POM121: variants seen among roughly 807,000 people sequenced by gnomAD.
POM121 encodes the protein POM121 transmembrane nucleoporin.
POM121 carries 32 observed loss-of-function variants against 81.3 expected under a neutral mutation model. The observed-to-expected ratio is 0.39, with a 90% CI of 0.30 to 0.53. The LOEUF is 0.53. Among genes scored for constraint, POM121 ranks in the 20% least tolerant of loss-of-function variants. POM121 has a pLI of 0.66. For missense variants in POM121, 1,138 were observed against 1,614.6 expected (o/e 0.70, Z 5.06); for synonymous variants, 514 against 694.2 (o/e 0.74, Z 4.08).
At chr7:72,896,609 G>A (rs112818699) in intron 3 of POM121, among the ~76,000 whole-genome samples, 118,509 of 132,968 alleles carry the variant, frequency 0.89, 52,261 homozygotes, top group African/African-American at 0.96. Flanking sequence ...GCAGTGAGCT[G>A]TGATTGTACC....
downstream of POM121, chr7:72,948,783 G>A (rs782572567): frequency 2.5e-6 from 4 of 1,579,726 alleles, no homozygotes; most frequent in East Asian, 8.9e-5. Context: ...CCTCGGTGGG[G>A]CCGGGCAGGC....
intron 1 of POM121, among the ~76,000 whole-genome samples, chr7:72,886,460 C>T (rs1397296017): frequency 1.3e-5 from 2 of 152,156 alleles, no homozygotes; most frequent in Admixed American, 1.3e-4. Flanking sequence ...AAGTGTGAGC[C>T]AACACACTTG....
intron 3 of POM121, among the ~76,000 whole-genome samples, chr7:72,900,274 T>G (rs1367911419): frequency 6.6e-6 from 1 of 152,054 alleles, no homozygotes; most frequent in Non-Finnish European, 1.5e-5. Flanking sequence ...TAGATTTGTT[T>G]GTAATATTTA....
Position 72,946,165 on chromosome 7 carries a change from T to C in POM121, c.3681T>C (p.Gly1227=). The C allele has an allele frequency of 1.2e-6, 2 of 1,611,736 alleles. No homozygotes were observed. Among genetic ancestry groups the C allele is most frequent in the Middle Eastern group, 2.3e-4 (1 of 4,426 alleles). The part of the protein sequence containing the change: ...FGSAALSFSI[G]AGSKTPGARQ... ...CGGCGGCCCTTTCATTTTCCATTGGTGCGGGATCCAAGACCCCAGGGGCTC... is the reference window on the plus strand; with the variant it reads ...CGGCGGCCCTTTCATTTTCCATTGGCGCGGGATCCAAGACCCCAGGGGCTC... Residue 1227 remains glycine, a synonymous_variant, in exon 13 of 13, where the codon GGT becomes GGC. Coordinates refer to ENST00000434423, the MANE Select transcript of POM121 (RefSeq NM_001387691.1).
Position 72,946,504 on chromosome 7 carries a change from A to G in POM121, c.*270A>G. On this transcript the variant is annotated 3_prime_UTR_variant, in exon 13 of 13. Coordinates refer to ENST00000434423, the MANE Select transcript of POM121 (RefSeq NM_001387691.1). ...GGGGAGGCTGGAGAACTAAGGAAAC[A>G]CCTGTACATAGTGTCCGCTGCCCTG... 1 of 1,265,312 alleles carries G rather than the reference A, an allele frequency of 7.9e-7. No homozygotes were observed. Among genetic ancestry groups the G allele is most frequent in the South Asian group, 2.1e-5 (1 of 47,240 alleles). 78.4% of individuals were successfully genotyped at this position (1,265,312 alleles called of 1,614,324 possible). A position where few individuals can be genotyped will look rare whatever the true frequency, so the allele number is the denominator to read the frequency against.
chr7:72,949,690 A>G, downstream of POM121: 2 of 687,654 alleles, frequency 2.9e-6, no homozygotes, highest in Non-Finnish European at 5.3e-6. Flanking sequence ...CACATCTCAC[A>G]CCTGCAGTGG....
upstream of POM121, chr7:72,924,808 A>C: frequency 2.1e-5 from 7 of 336,330 alleles, no homozygotes; most frequent in Non-Finnish European, 2.1e-5. Context: ...CTGGAGGGGA[A>C]TTCAGCCCCC....
chr7:72,923,789 C>T (rs1414288969), upstream of POM121, among the ~76,000 whole-genome samples: 2 of 150,506 alleles, frequency 1.3e-5, no homozygotes, highest in Non-Finnish European at 3.0e-5. Context: ...TTAGTAGAGA[C>T]GGAGTTTCAC....
At chr7:72,917,024 C>CA (rs1232852764) in intron 4 of POM121, among the ~76,000 whole-genome samples, 1 of 152,148 alleles carries the variant, frequency 6.6e-6, no homozygotes, top group Non-Finnish European at 1.5e-5. Flanking sequence ...GAAACATGGA[C>CA]ATTTGAATAT....
At chr7:72,906,650 C>T (rs1181409542) in intron 3 of POM121, among the ~76,000 whole-genome samples, 1 of 152,136 alleles carries the variant, frequency 6.6e-6, no homozygotes, top group Non-Finnish European at 1.5e-5. Context: ...TTTATTGAGA[C>T]AGAGTCTTAC....
chr7:72,924,753 C>T (rs1314679669), upstream of POM121: 14 of 224,574 alleles, frequency 6.2e-5, no homozygotes, highest in African/African-American at 2.0e-4. Flanking sequence ...GAGGGACTCA[C>T]AACCGCTAGT....
chr7:72,895,045 C>T (rs1178348135), intron 3 of POM121, among the ~76,000 whole-genome samples: 4 of 152,104 alleles, frequency 2.6e-5, no homozygotes, highest in Non-Finnish European at 5.9e-5. Context: ...TCAGGCTGGT[C>T]TCCAACTCCA....
chr7:72,945,777 C>T (rs1291397093), intron 12 of POM121, 69 bp downstream of exon 12: 2 of 1,546,134 alleles, frequency 1.3e-6, no homozygotes, highest in East Asian at 4.7e-5. Context: ...TGGCAGGTTC[C>T]TGGTCCTCTG....
intron 3 of POM121, among the ~76,000 whole-genome samples, chr7:72,898,979 C>CTT (rs1176371162): frequency 0.011 from 391 of 34,098 alleles, 20 homozygotes; most frequent in Non-Finnish European, 0.016. Flanking sequence ...CTTTTCTTTT[C>CTT]TTTTTTTTTT....
In POM121 at chr7:72,909,235, G is replaced by A. The variant is rs181645794; in HGVS notation, c.-215-4530G>A. ...GACTTTATATTTTTCAGTGTGTTTC[G>A]AGAGTGTTCATAATTACTTCTTGGG... is the stretch of plus-strand genomic sequence containing the variant. On this transcript the variant is annotated intron_variant, in intron 3 of 15. Transcript: ENST00000395270. 1.6e-3 allele frequency among the ~76,000 whole-genome samples: 249 copies of A among 152,228 alleles called. 1 individual carries two copies. The highest frequency in any genetic ancestry group is 2.4e-3 in the Non-Finnish European group (162 of 68,016).
At chr7:72,913,466 G>A (rs556313585) in intron 3 of POM121, among the ~76,000 whole-genome samples, 4 of 152,328 alleles carry the variant, frequency 2.6e-5, no homozygotes, top group Admixed American at 1.3e-4. Context: ...GAGCAGGGTG[G>A]ATCTAGACCA....
chr7:72,880,266 A>C (rs1275248317), intron 1 of POM121, among the ~76,000 whole-genome samples: 1 of 152,162 alleles, frequency 6.6e-6, no homozygotes, highest in African/African-American at 2.4e-5. Flanking sequence ...GAATCGTAGT[A>C]ATGCAGGAAC....
chr7:72,910,743 A>G (rs1347690135), intron 3 of POM121, among the ~76,000 whole-genome samples: 2 of 151,872 alleles, frequency 1.3e-5, no homozygotes, highest in Non-Finnish European at 2.9e-5. Flanking sequence ...ACTGTCCCGC[A>G]GGGCCGCCCT....
rs566498101 is a variant in POM121 at position 72,911,116 on chromosome 7, T to C, written c.-215-2649T>C. On this transcript the variant is annotated intron_variant, in intron 3 of 15. Transcript: ENST00000395270. ...GTTCTGCCTCAGCCTCCCTAGTAGC[T>C]GGGATTACTGGCGCTCGCCACCACG... Among the ~76,000 whole-genome samples the C allele has an allele frequency of 1.3e-3, 198 of 152,328 alleles. 1 individual carries two copies. The highest frequency in any genetic ancestry group is 4.4e-3 in the African/African-American group (184 of 41,580).
Sources: gnomAD v4.1 joint callset for allele counts (sites outside exome capture counted in the v4.1 genomes callset) on GRCh38, gnomAD v4.1.1 for gene constraint, MANE v1.5 for transcripts, NCBI Gene and HGNC (gene_info 2026-07-23, HGNC 2026-07-21) for gene names.